MAPKAP1: variants seen among roughly 807,000 people sequenced by gnomAD.
MAPKAP1 encodes target of rapamycin complex 2 subunit MAPKAP1.
Under a neutral mutation model 65.7 loss-of-function variants are expected in MAPKAP1, and 20 were observed. The ratio of observed to expected loss-of-function variants is 0.30; its 90% CI spans 0.21 to 0.44. The LOEUF (loss-of-function observed/expected upper bound fraction) is 0.44. MAPKAP1 is among the 20% of genes least tolerant of loss of function. The pLI is 1.00. For missense variants in MAPKAP1, 423 were observed against 648.0 expected, an observed-to-expected ratio of 0.65 and a Z score of 3.77; for synonymous variants, 222 against 244.3, an observed-to-expected ratio of 0.91 and a Z score of 0.85.
chr9:125,693,772 CAT>C (rs1438613579), intron 1 of MAPKAP1, among the ~76,000 whole-genome samples: 1 of 150,454 alleles, frequency 6.6e-6, no homozygotes, highest in Non-Finnish European at 1.5e-5. Context: ...CGTATATACA[CAT>C]ATATACACGT....
rs896768296 is a variant in MAPKAP1 at position 125,559,822 on chromosome 9, C to A, written c.672-13G>T. 9 of 1,601,482 alleles carry A rather than the reference C, an allele frequency of 5.6e-6. No individual in the cohort carries two copies. The African/African-American group carries it at 8.1e-5, about 14-fold the overall frequency. On this transcript the variant is annotated splice_polypyrimidine_tract_variant and intron_variant, in intron 5 of 11. Transcript: ENST00000265960. ...ACTGACATTGTCACTGAAAGGAAAA[C>A]CAAAAAGGCGAGTGAATACCAAGGT...
intron 4 of MAPKAP1, among the ~76,000 whole-genome samples, chr9:125,645,014 T>C (rs1447971045): frequency 6.6e-6 from 1 of 152,156 alleles, no homozygotes; most frequent in Non-Finnish European, 1.5e-5. Context: ...TGGAAAGGAA[T>C]CTCAAAACCA....
intron 4 of MAPKAP1, among the ~76,000 whole-genome samples, chr9:125,622,383 C>T (rs1832930926): frequency 6.6e-6 from 1 of 152,202 alleles, no homozygotes; most frequent in Non-Finnish European, 1.5e-5. Flanking sequence ...ATTGCATACA[C>T]ATATCAAAAT....
intron 10 of MAPKAP1, among the ~76,000 whole-genome samples, chr9:125,456,815 C>A (rs1381542758): frequency 3.3e-5 from 5 of 152,082 alleles, no homozygotes; most frequent in South Asian, 2.1e-4. Flanking sequence ...TTTTGAGAGA[C>A]CCCAAGCCAG....
At chr9:125,481,526 G>A (rs111440975) in intron 9 of MAPKAP1, among the ~76,000 whole-genome samples, 6,887 of 152,024 alleles carry the variant, frequency 0.045, 514 homozygotes, top group African/African-American at 0.16. Context: ...AGACTCAAGC[G>A]ATCCTCCCAT....
chr9:125,649,999 T>C (rs931766087), intron 4 of MAPKAP1, among the ~76,000 whole-genome samples: 1 of 152,104 alleles, frequency 6.6e-6, no homozygotes, highest in African/African-American at 2.4e-5. Context: ...GGTTTCATTA[T>C]CCATCCAGCT....
intron 3 of MAPKAP1, among the ~76,000 whole-genome samples, chr9:125,665,570 T>C (rs964103762): frequency 1.3e-5 from 2 of 151,968 alleles, no homozygotes; most frequent in African/African-American, 2.4e-5. Context: ...CTTTGCTGAC[T>C]CTTTTCGGAC....
intron 7 of MAPKAP1, among the ~76,000 whole-genome samples, chr9:125,511,161 T>C (rs928122338): frequency 1.6e-5 from 2 of 127,810 alleles, no homozygotes; most frequent in Non-Finnish European, 3.3e-5. Flanking sequence ...GCTATCATCA[T>C]CACCATCATC....
intron 4 of MAPKAP1, among the ~76,000 whole-genome samples, chr9:125,641,966 A>AGGTT (rs1310428125): frequency 6.6e-6 from 1 of 152,204 alleles, no homozygotes; most frequent in African/African-American, 2.4e-5. Context: ...TGGGTGGCAG[A>AGGTT]GGTTGCAGTG....
intron 4 of MAPKAP1, among the ~76,000 whole-genome samples, chr9:125,656,843 A>C (rs968826453): frequency 1.3e-5 from 2 of 152,176 alleles, no homozygotes; most frequent in African/African-American, 4.8e-5. Flanking sequence ...CAGAGACACA[A>C]GAAGGCAGGG....
chr9:125,629,386 T>C (rs1833208518), intron 4 of MAPKAP1, among the ~76,000 whole-genome samples: 1 of 152,222 alleles, frequency 6.6e-6, no homozygotes, highest in Non-Finnish European at 1.5e-5. Flanking sequence ...AAAGAGAATG[T>C]GGTGTGTATA....
Position 125,559,617 on chromosome 9 carries a change from T to TA in MAPKAP1, c.848+15dup, listed in dbSNP as rs747973137. 4 of 1,599,314 alleles carry TA rather than the reference T, an allele frequency of 2.5e-6. No homozygotes were observed. Among genetic ancestry groups the TA allele is most frequent in the Admixed American group, 1.7e-5 (1 of 58,582 alleles). ...TGGGATGAGATACCGAGAGAAGTAA[T>TA]AGAGTCAGTACTCACATTCGAACAA... On this transcript the variant is annotated intron_variant, in intron 6 of 11. Coordinates refer to ENST00000265960, the MANE Select transcript of MAPKAP1 (RefSeq NM_001006617.3).
rs941002555 is a variant in MAPKAP1, at chr9:125,647,930, A to G, written c.498+9721T>C. Among the ~76,000 whole-genome samples, 17 of 128,106 alleles carry G rather than the reference A, an allele frequency of 1.3e-4. No homozygotes were observed. In the East Asian group the frequency reaches 1.4e-3, roughly 11 times the overall value. The allele number at this position is 128,106 out of a possible 152,430, so 84.0% of individuals were successfully genotyped here. ...AAAGCATTCCCCTTCCCCAGTCCCA[A>G]TATCTTTTTTTTTTTTTTTTTTACA... On this transcript the variant is annotated intron_variant, in intron 4 of 11. Coordinates refer to ENST00000265960, the MANE Select transcript of MAPKAP1 (RefSeq NM_001006617.3).
chr9:125,676,770 CT>C (rs1564613112), intron 1 of MAPKAP1, among the ~76,000 whole-genome samples: 1 of 152,112 alleles, frequency 6.6e-6, no homozygotes, highest in Non-Finnish European at 1.5e-5. Context: ...GTAAATTTTA[CT>C]TATCATTTAT....
Position 125,482,505 on chromosome 9 carries a change from A to G in MAPKAP1, c.1207+1938T>C, listed in dbSNP as rs570634745. The stretch of plus-strand genomic sequence containing the variant: ...AGGAGGAACAACACTGAATGACTTT[A>G]TGATTTAAGAATCAACACTAAATAA... On this transcript the variant is annotated intron_variant, in intron 9 of 11. Transcript: ENST00000265960. Among the ~76,000 whole-genome samples the G allele has an allele frequency of 3.3e-3, 501 of 152,344 alleles. 2 individuals carry two copies. Among genetic ancestry groups the G allele is most frequent in the Non-Finnish European group, 5.3e-3 (360 of 68,020 alleles).
intron 7 of MAPKAP1, among the ~76,000 whole-genome samples, chr9:125,538,488 G>C (rs1010906321): frequency 9.2e-5 from 14 of 152,126 alleles, no homozygotes; most frequent in African/African-American, 3.4e-4. Context: ...TACTGTGCAG[G>C]GAACCTGCTT....
chr9:125,508,129 G>A (rs1829198269), intron 7 of MAPKAP1, among the ~76,000 whole-genome samples: 1 of 152,098 alleles, frequency 6.6e-6, no homozygotes, highest in Non-Finnish European at 1.5e-5. Context: ...TCATGCCACT[G>A]TACTCCAGCC....
intron 9 of MAPKAP1, among the ~76,000 whole-genome samples, chr9:125,469,995 C>T (rs1333661011): frequency 6.6e-6 from 1 of 151,976 alleles, no homozygotes; most frequent in Non-Finnish European, 1.5e-5. Flanking sequence ...CAAAATGAGC[C>T]GAGCAGAATA....
intron 9 of MAPKAP1, among the ~76,000 whole-genome samples, chr9:125,472,272 G>A (rs1395685338): frequency 6.6e-6 from 1 of 152,170 alleles, no homozygotes; most frequent in African/African-American, 2.4e-5. Context: ...GAGCTGCCTG[G>A]GTCTCAAGTC....
Sources: allele counts gnomAD v4.1 joint callset (sites outside exome capture counted in the v4.1 genomes callset), GRCh38; gene constraint gnomAD v4.1.1; transcripts MANE v1.5; gene names NCBI Gene and HGNC (gene_info 2026-07-23, HGNC 2026-07-21).